The following NCAM2 variants were observed in gnomAD, a reference collection of about 807,000 sequenced individuals.
The protein encoded by NCAM2 is neural cell adhesion molecule 2.
Under a neutral mutation model 98.1 loss-of-function variants are expected in NCAM2, and 30 were observed. That is an observed-to-expected ratio of 0.31 (90% CI 0.23 to 0.41). The LOEUF is 0.41. NCAM2 is among the 10% of genes least tolerant of loss of function. The pLI, the probability that NCAM2 is intolerant of heterozygous loss-of-function variation, is 1.00. For missense variants in NCAM2, 867 were observed against 1,005.8 expected (o/e 0.86, Z 1.87); for synonymous variants, 368 against 342.4 (o/e 1.07, Z -0.83).
At chr21:21,497,012 A>G (rs553992004) in intron 15 of NCAM2, among the ~76,000 whole-genome samples, 31 of 152,256 alleles carry the variant, frequency 2.0e-4, no homozygotes, top group Admixed American at 9.2e-4. Flanking sequence ...CATCTGCACC[A>G]TCCAATTCTA....
At chr21:21,075,619 A>G (rs2065665583) in intron 1 of NCAM2, among the ~76,000 whole-genome samples, 1 of 152,162 alleles carries the variant, frequency 6.6e-6, no homozygotes, top group South Asian at 2.1e-4. Context: ...TTTTATTAAA[A>G]TGAGGAAATT....
At chr21:21,328,364 T>G (rs1393349616) in intron 6 of NCAM2, among the ~76,000 whole-genome samples, 2 of 152,198 alleles carry the variant, frequency 1.3e-5, no homozygotes, top group Non-Finnish European at 2.9e-5. Context: ...GTACTCCTTC[T>G]ACTTATAAAA....
intron 1 of NCAM2, among the ~76,000 whole-genome samples, chr21:21,014,128 A>G (rs1292816727): frequency 6.6e-6 from 1 of 152,190 alleles, no homozygotes; most frequent in Non-Finnish European, 1.5e-5. Flanking sequence ...CCCATTTGCT[A>G]TTCTTATAGT....
At chr21:21,299,659 CA>C (rs2073636844) in intron 5 of NCAM2, among the ~76,000 whole-genome samples, 1 of 150,716 alleles carries the variant, frequency 6.6e-6, no homozygotes, top group Non-Finnish European at 1.5e-5. Flanking sequence ...TTAGTCCAAG[CA>C]TCATTTCTAG....
chr21:21,076,827 TA>T (rs1457538205), intron 1 of NCAM2, among the ~76,000 whole-genome samples: 3 of 152,230 alleles, frequency 2.0e-5, no homozygotes, highest in African/African-American at 7.2e-5. Flanking sequence ...ATAAGCCATT[TA>T]TGTACATAGC....
intron 1 of NCAM2, among the ~76,000 whole-genome samples, chr21:21,219,097 A>G (rs773447790): frequency 4.6e-5 from 7 of 152,232 alleles, no homozygotes; most frequent in Non-Finnish European, 1.5e-5. Context: ...GCAGCCCAGG[A>G]TGGCTTTGAA....
intron 5 of NCAM2, among the ~76,000 whole-genome samples, chr21:21,318,011 A>T (rs1392192543): frequency 6.6e-6 from 1 of 152,108 alleles, no homozygotes; most frequent in Non-Finnish European, 1.5e-5. Flanking sequence ...GGATAAGGAG[A>T]TAATTGAACT....
At chr21:21,339,344 A>G (rs1003589180) in intron 8 of NCAM2, among the ~76,000 whole-genome samples, 1 of 152,096 alleles carries the variant, frequency 6.6e-6, no homozygotes, top group Admixed American at 6.6e-5. Context: ...ACCAGAATGC[A>G]TTCAACTTAC....
chr21:21,039,665 T>A (rs2064865739), intron 1 of NCAM2, among the ~76,000 whole-genome samples: 1 of 152,198 alleles, frequency 6.6e-6, no homozygotes, highest in Non-Finnish European at 1.5e-5. Context: ...AAATAATCAT[T>A]TGGATTTTTC....
At chr21:21,293,535 A>G (rs775639829) in intron 5 of NCAM2, among the ~76,000 whole-genome samples, 2 of 151,792 alleles carry the variant, frequency 1.3e-5, no homozygotes, top group Non-Finnish European at 2.9e-5. Context: ...GTATTTTTCA[A>G]TGGTCTTTCT....
chr21:21,362,409 A>G (rs1354259569), intron 8 of NCAM2, among the ~76,000 whole-genome samples: 1 of 149,768 alleles, frequency 6.7e-6, no homozygotes, highest in African/African-American at 2.5e-5. Flanking sequence ...TTTTTTTTAA[A>G]CCTGAAACAG....
intron 8 of NCAM2, among the ~76,000 whole-genome samples, chr21:21,369,853 A>G (rs2148032971): frequency 6.6e-6 from 1 of 151,466 alleles, no homozygotes; most frequent in East Asian, 2.0e-4. Context: ...AACTCTTTCA[A>G]CACAGCTTTT....
intron 12 of NCAM2, among the ~76,000 whole-genome samples, chr21:21,456,872 C>T (rs1034982848): frequency 6.6e-6 from 1 of 152,168 alleles, no homozygotes; most frequent in African/African-American, 2.4e-5. Context: ...TATAAGCCAA[C>T]AACCAGGCCC....
chr21:21,409,286 T>C (rs562745806), intron 9 of NCAM2, among the ~76,000 whole-genome samples: 37 of 152,268 alleles, frequency 2.4e-4, no homozygotes, highest in African/African-American at 8.9e-4. Context: ...TTAAATAAAA[T>C]TATACATTGT....
chr21:21,474,735 C>T (rs1167915180), intron 14 of NCAM2, among the ~76,000 whole-genome samples: 1 of 152,020 alleles, frequency 6.6e-6, no homozygotes, highest in Non-Finnish European at 1.5e-5. Flanking sequence ...GTCTTCATAC[C>T]ACCCTTCAGT....
intron 1 of NCAM2, among the ~76,000 whole-genome samples, chr21:21,259,261 T>C (rs1258014429): frequency 6.6e-6 from 1 of 151,564 alleles, no homozygotes; most frequent in African/African-American, 2.4e-5. Context: ...GAGAGAAGAG[T>C]CTCTGTGCTG....
intron 1 of NCAM2, among the ~76,000 whole-genome samples, chr21:21,070,216 A>G (rs180747983): frequency 1.3e-5 from 2 of 151,378 alleles, no homozygotes; most frequent in Non-Finnish European, 1.5e-5. Context: ...AAAATGAACA[A>G]CCCATTTATA....
intron 8 of NCAM2, among the ~76,000 whole-genome samples, chr21:21,349,684 T>C (rs546337588): frequency 6.6e-6 from 1 of 152,088 alleles, no homozygotes; most frequent in African/African-American, 2.4e-5. Context: ...AACCTAAGTG[T>C]CCATCAACAG....
intron 15 of NCAM2, among the ~76,000 whole-genome samples, chr21:21,483,344 A>G (rs1267616816): frequency 2.6e-5 from 4 of 152,066 alleles, no homozygotes; most frequent in Admixed American, 2.6e-4. Context: ...CATACAAAAT[A>G]GTTGTTTAGA....
Sources: gnomAD v4.1 joint callset for allele counts (sites outside exome capture counted in the v4.1 genomes callset) on GRCh38, gnomAD v4.1.1 for gene constraint, MANE v1.5 for transcripts, NCBI Gene and HGNC (gene_info 2026-07-23, HGNC 2026-07-21) for gene names.